Variants in TRAPPC9 observed in about 807,000 individuals in gnomAD.
TRAPPC9 encodes the protein IKK2 binding protein.
TRAPPC9 carries 83 observed loss-of-function variants against 124.0 expected under a neutral mutation model. That is an observed-to-expected ratio of 0.67 (90% CI 0.56 to 0.80). The LOEUF is 0.80. Among genes scored for constraint, TRAPPC9 ranks in the 30% least tolerant of loss-of-function variants. The probability of loss-of-function intolerance (pLI) is 0.00; values close to 1 mark genes in which losing one functional copy is unlikely to be tolerated. For missense variants in TRAPPC9, 1,302 were observed against 1,508.3 expected, an observed-to-expected ratio of 0.86 and a Z score of 2.27; for synonymous variants, 638 against 617.5, an observed-to-expected ratio of 1.03 and a Z score of -0.49.
intron 19 of TRAPPC9, among the ~76,000 whole-genome samples, chr8:139,937,295 C>G (rs951547044): frequency 1.2e-4 from 18 of 152,162 alleles, no homozygotes; most frequent in Admixed American, 3.3e-4. Context: ...AAAGTAGACA[C>G]AGATAGCAAT....
chr8:140,049,780 G>T (rs1841866133), intron 17 of TRAPPC9, among the ~76,000 whole-genome samples: 1 of 152,166 alleles, frequency 6.6e-6, no homozygotes, highest in Non-Finnish European at 1.5e-5. Flanking sequence ...GGCACTGTGT[G>T]AGGTTTTGTG....
chr8:140,197,263 G>A (rs1171705280), intron 17 of TRAPPC9, among the ~76,000 whole-genome samples: 1 of 152,208 alleles, frequency 6.6e-6, no homozygotes, highest in African/African-American at 2.4e-5. Flanking sequence ...AAGCGGGAAT[G>A]AGCTTTGGAA....
intron 2 of TRAPPC9, among the ~76,000 whole-genome samples, chr8:140,442,821 G>A (rs1278524518): frequency 6.6e-6 from 1 of 151,938 alleles, no homozygotes; most frequent in Non-Finnish European, 1.5e-5. Flanking sequence ...TGCAGGGTCG[G>A]GGATGGTATT....
At chr8:140,125,033 C>T (rs182915848) in intron 17 of TRAPPC9, among the ~76,000 whole-genome samples, 51 of 152,318 alleles carry the variant, frequency 3.3e-4, no homozygotes, top group South Asian at 1.0e-3. Context: ...AGATAAAACC[C>T]GGACACTGCT....
rs190266237 is a variant in TRAPPC9, at chr8:140,094,672, A to G, written c.2557-70593T>C. Among the ~76,000 whole-genome samples, 6 of 152,310 alleles carry G rather than the reference A, an allele frequency of 3.9e-5. No individual in the cohort carries two copies. In the East Asian group the frequency reaches 1.2e-3, roughly 30 times the overall value. On this transcript the variant is annotated intron_variant, in intron 17 of 22. Transcript: ENST00000438773. The stretch of plus-strand genomic sequence containing the variant: ...AGAGGGCCTCGTCCTGTAAGCATTC[A>G]TATCTGACCTAGCACTGGGCACGGT...
intron 5 of TRAPPC9, among the ~76,000 whole-genome samples, chr8:140,414,944 T>C (rs2069855592): frequency 6.6e-6 from 1 of 152,064 alleles, no homozygotes; most frequent in African/African-American, 2.4e-5. Flanking sequence ...TTCACCATGT[T>C]GGCCAGGCTG....
At position 140,360,011 on chromosome 8, in the gene TRAPPC9, G is replaced by A. The variant is rs754959848; in HGVS notation, c.1495+39C>T. On this transcript the variant is annotated intron_variant, in intron 9 of 22. Coordinates refer to ENST00000438773, the MANE Select transcript of TRAPPC9 (RefSeq NM_001160372.4). Reference sequence around the variant, plus strand: ...AGCATCTAAAGTGCTCTCATTCACAGTTCCTTGAAAAAAAACATTGTGGTT... The same window carrying A: ...AGCATCTAAAGTGCTCTCATTCACAATTCCTTGAAAAAAAACATTGTGGTT... The A allele has an allele frequency of 1.1e-5, 17 of 1,613,490 alleles. No individual in the cohort carries two copies. In the South Asian group the frequency reaches 1.9e-4, roughly 18 times the overall value.
At chr8:140,234,847 T>C (rs1391818995) in intron 16 of TRAPPC9, among the ~76,000 whole-genome samples, 1 of 152,176 alleles carries the variant, frequency 6.6e-6, no homozygotes, top group African/African-American at 2.4e-5. Flanking sequence ...ACTAAAACAA[T>C]ACATTCTCTA....
intron 15 of TRAPPC9, among the ~76,000 whole-genome samples, chr8:140,264,950 A>T (rs907901344): frequency 4.6e-5 from 7 of 152,180 alleles, no homozygotes; most frequent in African/African-American, 1.7e-4. Flanking sequence ...AGCCTCCAGC[A>T]CTCAGTCAAC....
chr8:140,451,101 G>A lies in TRAPPC9; in HGVS notation c.273C>T (p.Asp91=), dbSNP rs2071442100. Reference sequence around the variant, plus strand: ...GGAACTTCTCAAAGGTCTGTGGCCAGTCCTTGGCCGAGAAGCAGTCTGTGA... The same window carrying A: ...GGAACTTCTCAAAGGTCTGTGGCCAATCCTTGGCCGAGAAGCAGTCTGTGA... The part of the protein sequence containing the change: ...ITITDCFSAK[D]WPQTFEKFHV... The change falls in exon 2 of 23, where the codon GAC becomes GAT. Residue 91 remains aspartate (D), a synonymous_variant. Coordinates refer to ENST00000438773, the MANE Select transcript of TRAPPC9 (RefSeq NM_001160372.4). 1.2e-6 allele frequency: 2 copies of A among 1,614,076 alleles called. No homozygotes were observed. The highest frequency in any genetic ancestry group is 2.2e-5 in the East Asian group (1 of 44,882).
chr8:140,388,847 C>CAAAAA (rs59649390), intron 7 of TRAPPC9, among the ~76,000 whole-genome samples: 1 of 61,024 alleles, frequency 1.6e-5, no homozygotes, highest in African/African-American at 5.7e-5. Flanking sequence ...GAGACTCCAT[C>CAAAAA]AAAAAAAAAA....
At chr8:140,342,158 G>C (rs2067214436) in intron 9 of TRAPPC9, among the ~76,000 whole-genome samples, 1 of 152,170 alleles carries the variant, frequency 6.6e-6, no homozygotes, top group African/African-American at 2.4e-5. Flanking sequence ...CAAACGGAAA[G>C]CAGGACTGCA....
intron 17 of TRAPPC9, among the ~76,000 whole-genome samples, chr8:140,057,062 T>C (rs922970471): frequency 3.9e-5 from 6 of 152,140 alleles, no homozygotes; most frequent in African/African-American, 1.2e-4. Flanking sequence ...AAAGAAGACA[T>C]AGAAATGTCA....
At chr8:140,185,052 A>T (rs2062321079) in intron 17 of TRAPPC9, among the ~76,000 whole-genome samples, 1 of 152,246 alleles carries the variant, frequency 6.6e-6, no homozygotes, top group Non-Finnish European at 1.5e-5. Context: ...GCTTGCCAAT[A>T]ATGGCAGGCT....
At chr8:139,793,847 G>A (rs1400998039) in intron 21 of TRAPPC9, among the ~76,000 whole-genome samples, 1 of 152,198 alleles carries the variant, frequency 6.6e-6, no homozygotes, top group Non-Finnish European at 1.5e-5. Context: ...CGGAATGAAG[G>A]AGGGAGTGAT....
Position 139,744,192 on chromosome 8 carries a change from T to C in TRAPPC9, c.3056-11990A>G, listed in dbSNP as rs370513582. On this transcript the variant is annotated intron_variant, in intron 21 of 22. Transcript: ENST00000438773. ...TCTGCATTTTATTTCAACTCTTTAT[T>C]GTATATCCAGAGAGAGTTTGGAAAA... Among the ~76,000 whole-genome samples, 10 of 152,334 alleles carry C rather than the reference T, an allele frequency of 6.6e-5. No individual in the cohort carries two copies. The East Asian group carries it at 1.7e-3, about 26-fold the overall frequency.
At chr8:139,737,470 C>CACCA (rs768226884) in intron 21 of TRAPPC9, among the ~76,000 whole-genome samples, 1 of 113,470 alleles carries the variant, frequency 8.8e-6, no homozygotes, top group Non-Finnish European at 2.0e-5. Context: ...CAGCCCTCCC[C>CACCA]CCCCCCCCAC....
intron 17 of TRAPPC9, among the ~76,000 whole-genome samples, chr8:140,200,778 G>A (rs1017327432): frequency 6.6e-5 from 10 of 152,106 alleles, no homozygotes; most frequent in East Asian, 3.9e-4. Context: ...GGACAGGAGC[G>A]GATACATGAG....
At chr8:139,991,515 T>C (rs913908965) in intron 18 of TRAPPC9, among the ~76,000 whole-genome samples, 1 of 152,216 alleles carries the variant, frequency 6.6e-6, no homozygotes, top group African/African-American at 2.4e-5. Context: ...TCCATATGGC[T>C]TTGGATGCTT....
Sources: gnomAD v4.1 joint callset for allele counts (sites outside exome capture counted in the v4.1 genomes callset) on GRCh38, gnomAD v4.1.1 for gene constraint, MANE v1.5 for transcripts, NCBI Gene and HGNC (gene_info 2026-07-23, HGNC 2026-07-21) for gene names.